STK17B: variants seen among roughly 807,000 people sequenced by gnomAD.
STK17B encodes serine/threonine kinase 17b.
Under a neutral mutation model 42.0 loss-of-function variants are expected in STK17B, and 21 were observed. The ratio of observed to expected loss-of-function variants is 0.50; its 90% CI spans 0.35 to 0.72. STK17B has a LOEUF of 0.72. Among genes scored for constraint, STK17B ranks in the 30% least tolerant of loss-of-function variants. The pLI is 0.00. For synonymous variants in STK17B, 143 were observed against 148.4 expected, an observed-to-expected ratio of 0.96 and a Z score of 0.26; for missense variants, 349 against 446.0, an observed-to-expected ratio of 0.78 and a Z score of 1.96.
At chr2:196,173,764 C>T (rs568127421), upstream of STK17B, among the ~76,000 whole-genome samples, 1 of 152,276 alleles carries the variant, frequency 6.6e-6, no homozygotes, top group South Asian at 2.1e-4. Context: ...AGTTGACCAT[C>T]CTTGAATGAC....
At position 196,152,137 on chromosome 2, in the gene STK17B, C is replaced by T. The variant is rs143699874; in HGVS notation, c.335+4302G>A. Reference sequence around the variant, plus strand: ...TTTTTTTTTTTTTGAGACGAAGTCTCGCTCTATTGCCCAGCCTGGCGCGTA... The same window carrying T: ...TTTTTTTTTTTTTGAGACGAAGTCTTGCTCTATTGCCCAGCCTGGCGCGTA... On this transcript the variant is annotated intron_variant, in intron 3 of 7. Transcript: ENST00000263955. Among the ~76,000 whole-genome samples the T allele has an allele frequency of 3.0e-3, 452 of 148,744 alleles. 3 individuals are homozygous for T. Among genetic ancestry groups the T allele is most frequent in the African/African-American group, 0.011 (435 of 40,242 alleles).
chr2:196,157,146 T>C (rs1699750693), intron 2 of STK17B, among the ~76,000 whole-genome samples: 1 of 113,874 alleles, frequency 8.8e-6, no homozygotes, highest in African/African-American at 2.9e-5. Context: ...AGTGAGACTG[T>C]CTCAAAAAAA....
chr2:196,139,118 C>T (rs1699453469), intron 7 of STK17B, among the ~76,000 whole-genome samples: 1 of 152,122 alleles, frequency 6.6e-6, no homozygotes, highest in Admixed American at 6.5e-5. Context: ...TGCCTGCCAC[C>T]ATGCCTGGCT....
chr2:196,142,045 T>C (rs534769251), intron 5 of STK17B, among the ~76,000 whole-genome samples: 2 of 152,278 alleles, frequency 1.3e-5, no homozygotes, highest in South Asian at 4.1e-4. Flanking sequence ...AAATTTTGCT[T>C]CTCGGAAATG....
At chr2:196,171,661 A>G (rs1575191034), upstream of STK17B, 1 of 122,032 alleles carries the variant, frequency 8.2e-6, no homozygotes, top group Non-Finnish European at 1.7e-5. Context: ...ACGGGTGCGG[A>G]GGGTGGGTCT....
At chr2:196,157,349 T>A (rs1017515072) in intron 2 of STK17B, among the ~76,000 whole-genome samples, 1 of 152,078 alleles carries the variant, frequency 6.6e-6, no homozygotes, top group African/African-American at 2.4e-5. Context: ...CAGGTCTATT[T>A]CCAAAAACTG....
chr2:196,133,591 C>T lies in STK17B; in HGVS notation c.*3856G>A, dbSNP rs6741307. ...TTGTTTTCAGATTTATATGCCTTTA[C>T]AGATATGTTTATTAGACACAAAGAG... On this transcript the variant is annotated 3_prime_UTR_variant, in exon 8 of 8. Transcript: ENST00000263955. 97,005 of 152,146 alleles carry T rather than the reference C, an allele frequency of 0.64. 31,241 individuals are homozygous for T. Among genetic ancestry groups the T allele is most frequent in the East Asian group, 0.91 (4,694 of 5,186 alleles). 9.4% of individuals were successfully genotyped at this position (152,146 alleles called of 1,614,324 possible).
At chr2:196,175,245 A>T (rs1699987519), upstream of STK17B, among the ~76,000 whole-genome samples, 1 of 152,170 alleles carries the variant, frequency 6.6e-6, no homozygotes, top group Non-Finnish European at 1.5e-5. Context: ...CCAAATTTTC[A>T]TCGGAAACAC....
chr2:196,142,157 C>T (rs1304683293), intron 5 of STK17B, among the ~76,000 whole-genome samples: 3 of 152,156 alleles, frequency 2.0e-5, no homozygotes, highest in Non-Finnish European at 1.5e-5. Flanking sequence ...CTCTTGGATT[C>T]AAGCGATTCT....
At chr2:196,161,859 C>T (rs1227877748) in intron 2 of STK17B, among the ~76,000 whole-genome samples, 1 of 152,052 alleles carries the variant, frequency 6.6e-6, no homozygotes, top group Non-Finnish European at 1.5e-5. Context: ...CTGCATCCAA[C>T]ATCTGCAACG....
rs6760556 is a variant in STK17B at position 196,134,586 on chromosome 2, T to A, written c.*2861A>T. ...TGGAGATCGCTCCACTAGAGAACAGTTAACGGCTTACTTCCTTTAAAGTGC... is the reference window on the plus strand; with the variant it reads ...TGGAGATCGCTCCACTAGAGAACAGATAACGGCTTACTTCCTTTAAAGTGC... On this transcript the variant is annotated 3_prime_UTR_variant, in exon 8 of 8. Transcript: ENST00000263955. 0.64 allele frequency: 97,666 copies of A among 152,120 alleles called. 31,670 individuals carry two copies. The highest frequency in any genetic ancestry group is 0.9 in the East Asian group (4,690 of 5,184). 9.4% of individuals were successfully genotyped at this position (152,120 alleles called of 1,614,324 possible). A position where few individuals can be genotyped will look rare whatever the true frequency, so the allele number is the denominator to read the frequency against.
chr2:196,174,601 C>T (rs894889082), upstream of STK17B, among the ~76,000 whole-genome samples: 6 of 152,222 alleles, frequency 3.9e-5, no homozygotes, highest in South Asian at 2.1e-4. Context: ...GGCCAACAGC[C>T]TCTGAAGGGG....
chr2:196,163,558 C>G, intron 1 of STK17B, 131 bp from the exon 2 acceptor site: 1 of 685,588 alleles, frequency 1.5e-6, no homozygotes, highest in Non-Finnish European at 2.1e-6. Flanking sequence ...ATTCTATCCA[C>G]AAGGAGGAAA....
At chr2:196,167,836 G>A (rs1418529652) in intron 1 of STK17B, among the ~76,000 whole-genome samples, 1 of 152,192 alleles carries the variant, frequency 6.6e-6, no homozygotes, top group Non-Finnish European at 1.5e-5. Context: ...GCAACAGGAA[G>A]CAAAGTAAGC....
At chr2:196,163,745 A>G (rs538295108) in intron 1 of STK17B, among the ~76,000 whole-genome samples, 103 of 152,290 alleles carry the variant, frequency 6.8e-4, no homozygotes, top group African/African-American at 2.3e-3. Context: ...CTTTAAAGTT[A>G]TAGAGGTTTC....
chr2:196,143,047 C>T (rs1315584021), intron 5 of STK17B, among the ~76,000 whole-genome samples: 2 of 152,142 alleles, frequency 1.3e-5, no homozygotes, highest in Non-Finnish European at 2.9e-5. Context: ...CTTTCACAAC[C>T]CTATGCAAAA....
At chr2:196,146,258 G>T (rs1158205420) in intron 3 of STK17B, among the ~76,000 whole-genome samples, 1 of 152,166 alleles carries the variant, frequency 6.6e-6, no homozygotes, top group Non-Finnish European at 1.5e-5. Context: ...TGTAATACCA[G>T]CACTTTGGGA....
At chr2:196,165,267 C>A (rs1699862967) in intron 1 of STK17B, among the ~76,000 whole-genome samples, 1 of 152,154 alleles carries the variant, frequency 6.6e-6, no homozygotes, top group South Asian at 2.1e-4. Flanking sequence ...AGAGGGCAGG[C>A]CTCAGAAGAA....
At position 196,171,560 on chromosome 2, in the gene STK17B, A is replaced by G. The variant is rs1287818492; in HGVS notation, c.-272T>C. ...GCGACAGCAGCGGAGAGGACTACCG[A>G]AGCTTGCAGTCGCGGTTTGAAAACT... On this transcript the variant is annotated 5_prime_UTR_variant, in exon 1 of 8. Coordinates refer to ENST00000263955, the MANE Select transcript of STK17B (RefSeq NM_004226.4). 2 of 152,234 alleles carry G rather than the reference A, an allele frequency of 1.3e-5. No homozygotes were observed. The highest frequency in any genetic ancestry group is 2.9e-5 in the Non-Finnish European group (2 of 68,060). 9.4% of individuals were successfully genotyped at this position (152,234 alleles called of 1,614,324 possible). A position where few individuals can be genotyped will look rare whatever the true frequency, so the allele number is the denominator to read the frequency against.
Sources: gnomAD v4.1 joint callset for allele counts (sites outside exome capture counted in the v4.1 genomes callset) on GRCh38, gnomAD v4.1.1 for gene constraint, MANE v1.5 for transcripts, NCBI Gene and HGNC (gene_info 2026-07-23, HGNC 2026-07-21) for gene names.